GIPC1: variants seen among roughly 807,000 people sequenced by gnomAD.
GIPC1 encodes the protein GIPC PDZ domain containing family member 1, also known as PDZ domain-containing protein GIPC1.
A neutral mutation model predicts 28.5 loss-of-function variants in GIPC1; 15 were observed. The observed-to-expected ratio is 0.53, with a 90% CI of 0.35 to 0.81. The LOEUF (loss-of-function observed/expected upper bound fraction) is 0.81. Among genes scored for constraint, GIPC1 ranks in the 30% least tolerant of loss-of-function variants. GIPC1 has a pLI of 0.01. For synonymous variants in GIPC1, 224 were observed against 206.1 expected (o/e 1.09, Z -0.74); for missense variants, 439 against 481.9 (o/e 0.91, Z 0.83).
intron 6 of GIPC1, chr19:14,480,048 A>C: frequency 1.7e-6 from 1 of 584,968 alleles, no homozygotes; most frequent in Non-Finnish European, 3.1e-6. Flanking sequence ...GCCAGGGCTG[A>C]GGGCGCTTGG....
intron 3 of GIPC1, among the ~76,000 whole-genome samples, chr19:14,487,223 T>C (rs902518129): frequency 6.6e-6 from 1 of 150,956 alleles, no homozygotes; most frequent in Non-Finnish European, 1.5e-5. Context: ...TTTTTTCTTT[T>C]TTTTCTTTCT....
intron 3 of GIPC1, among the ~76,000 whole-genome samples, chr19:14,484,467 C>T (rs944659934): frequency 1.4e-4 from 21 of 150,042 alleles, no homozygotes; most frequent in Non-Finnish European, 2.1e-4. Flanking sequence ...TTTTGCAGGC[C>T]GGGTGCGGTG....
In GIPC1 at chr19:14,482,812, C is replaced by A. The variant is rs1286242651; in HGVS notation, c.165G>T (p.Arg55=). Residue 55 remains arginine (R), a synonymous_variant, in exon 4 of 9, where the codon CGG becomes CGT. Transcript: ENST00000393033. The part of the protein sequence containing the change: ...MGLPPPPPAL[R]PRLVFHTQLA... ...GCTGGGTGTGGAACACGAGGCGGGG[C>A]CGCAGGGCTGGGGGAGGGGGGGGCA... The A allele has an allele frequency of 2.5e-6, 4 of 1,594,052 alleles. No homozygotes were observed. The highest frequency in any genetic ancestry group is 3.4e-6 in the Non-Finnish European group (4 of 1,171,426).
intron 3 of GIPC1, chr19:14,489,547 C>A (rs766212317): frequency 2.1e-6 from 2 of 953,962 alleles, no homozygotes; most frequent in Non-Finnish European, 3.5e-6. Flanking sequence ...TAGTGGACAA[C>A]AGAAAAATAT....
At chr19:14,480,904 C>A in intron 4 of GIPC1, 126 bp from the exon 5 acceptor site, 1 of 681,576 alleles carries the variant, frequency 1.5e-6, no homozygotes. Flanking sequence ...TCATCACCCA[C>A]TGAGCCTGAG....
At chr19:14,486,688 GTTTCTTTCTTGC>G in intron 3 of GIPC1, among the ~76,000 whole-genome samples, 1 of 148,380 alleles carries the variant, frequency 6.7e-6, no homozygotes, top group Non-Finnish European at 1.5e-5. Context: ...TTTTTTTTCT[GTTTCTTTCTTGC>G]TTTCTTTCTT....
At position 14,480,698 on chromosome 19, in the gene GIPC1, G is replaced by C; in HGVS notation, c.369C>G (p.Ile123Met). The C allele has an allele frequency of 6.2e-7, 1 of 1,614,088 alleles. No individual in the cohort carries two copies. The highest frequency in any genetic ancestry group is 8.5e-7 in the Non-Finnish European group (1 of 1,179,924). Residue 123 changes from isoleucine to methionine, a missense_variant, in exon 5 of 9, where the codon ATC (isoleucine) becomes ATG (methionine). Coordinates refer to ENST00000393033, the MANE Select transcript of GIPC1 (RefSeq NM_005716.4). ...LGGQIGLEDF[I>M]FAHVKGQRKE... is the part of the protein sequence containing the mutation. ...TGCGCTGCCCCTTCACGTGGGCGAA[G>C]ATGAAGTCCTCCAGCCCGATCTGGC...
chr19:14,482,884 C>A lies in GIPC1; in HGVS notation c.93G>T (p.Glu31Asp). The A allele has an allele frequency of 6.3e-7, 1 of 1,587,674 alleles. No individual in the cohort carries two copies. The highest frequency in any genetic ancestry group is 8.6e-7 in the Non-Finnish European group (1 of 1,167,612). Residue 31 changes from glutamate (E) to aspartate (D), a missense_variant, in exon 4 of 9, where the codon GAG becomes GAT. By Grantham distance (45) the Glu-to-Asp change is conservative. Transcript: ENST00000393033. ...EPGRGGLGVG[E>D]PGPLGGGGSG... ...ACCCACCTCCGCCCAGAGGCCCTGG[C>A]TCCCCCACGCCCAGCCCTCCACGGC...
chr19:14,486,473 C>T (rs779584898), intron 3 of GIPC1, among the ~76,000 whole-genome samples: 1 of 152,090 alleles, frequency 6.6e-6, no homozygotes, highest in African/African-American at 2.4e-5. Context: ...CATTTAAGTG[C>T]TGGAGCCTCC....
At chr19:14,495,538 G>A (rs954253414) in intron 1 of GIPC1, among the ~76,000 whole-genome samples, 2 of 152,114 alleles carry the variant, frequency 1.3e-5, no homozygotes, top group African/African-American at 4.8e-5. Context: ...CCTCCCATGA[G>A]GTGTTTAGAG....
intron 3 of GIPC1, among the ~76,000 whole-genome samples, chr19:14,485,692 TATATATATATAGAGAGAGAGAG>T (rs1303708220): frequency 4.4e-5 from 3 of 68,946 alleles, no homozygotes; most frequent in Non-Finnish European, 8.8e-5. Flanking sequence ...CAAATATATA[TATATATATATAGAGAGAGAGAG>T]AGAGAGAGAG....
At chr19:14,494,780 C>G (rs35028834) in intron 1 of GIPC1, among the ~76,000 whole-genome samples, 23,220 of 152,130 alleles carry the variant, frequency 0.15, 1,931 homozygotes, top group South Asian at 0.22. Context: ...CCCCACTTTC[C>G]CTGGCTCCCC....
In GIPC1 at chr19:14,482,973, G is replaced by A. The variant is rs1051763802; in HGVS notation, c.4C>T (p.Pro2Ser). M[P>S]LGLGRRKKAP... ...TTTTTCCGCCGCCCCAGTCCCAGCG[G>A]CATGAGCAGCGAGAAGTGGGGTCAC... Residue 2 changes from proline (P) to serine (S), a missense_variant, in exon 4 of 9, where the codon CCG (proline) becomes TCG (serine). Transcript: ENST00000393033. 1.2e-6 allele frequency: 2 copies of A among 1,610,462 alleles called. No homozygotes were observed. The highest frequency in any genetic ancestry group is 1.7e-6 in the Non-Finnish European group (2 of 1,179,748).
At chr19:14,482,255 A>G (rs116892701) in intron 4 of GIPC1, 4,084 of 213,594 alleles carry the variant, frequency 0.019, 64 homozygotes, top group East Asian at 0.081. Context: ...CATCCATCCA[A>G]TCAATCCATC....
At chr19:14,489,685 A>T (rs1024791798) in intron 3 of GIPC1, 1 of 779,696 alleles carries the variant, frequency 1.3e-6, no homozygotes, top group Admixed American at 1.8e-5. Context: ...ATGATGTAAA[A>T]ATTAGGTCAT....
chr19:14,481,552 C>T (rs527483620), intron 4 of GIPC1, among the ~76,000 whole-genome samples: 1 of 151,922 alleles, frequency 6.6e-6, no homozygotes, highest in Non-Finnish European at 1.5e-5. Context: ...GAAATCCTGT[C>T]TCTACTAAAA....
At chr19:14,486,931 C>T (rs1044809982) in intron 3 of GIPC1, among the ~76,000 whole-genome samples, 3 of 151,896 alleles carry the variant, frequency 2.0e-5, no homozygotes, top group Non-Finnish European at 2.9e-5. Flanking sequence ...CCACCGCGCC[C>T]GGCCCGCTTC....
At chr19:14,493,298 GA>G (rs2072008840) in intron 1 of GIPC1, among the ~76,000 whole-genome samples, 1 of 152,200 alleles carries the variant, frequency 6.6e-6, no homozygotes, top group Non-Finnish European at 1.5e-5. Flanking sequence ...TGCCCTGCCT[GA>G]AACTTTACAA....
At chr19:14,480,515 G>A (rs756937013) in intron 5 of GIPC1, 30 bp from the exon 6 acceptor site, 3 of 1,605,926 alleles carry the variant, frequency 1.9e-6, no homozygotes, top group Admixed American at 1.7e-5. Flanking sequence ...TCAGCCCTTG[G>A]GGCTCTGCCC....
Sources: gnomAD v4.1 joint callset for allele counts (sites outside exome capture counted in the v4.1 genomes callset) on GRCh38, gnomAD v4.1.1 for gene constraint, MANE v1.5 for transcripts, NCBI Gene and HGNC (gene_info 2026-07-23, HGNC 2026-07-21) for gene names.